The following SEC14L1 variants were observed in gnomAD, a reference collection of about 807,000 sequenced individuals.
The protein encoded by SEC14L1 is SEC14 like lipid binding 1.
A neutral mutation model predicts 85.3 loss-of-function variants in SEC14L1; 48 were observed. The ratio of observed to expected loss-of-function variants is 0.56; its 90% CI spans 0.45 to 0.72. The LOEUF is 0.72. Among genes scored for constraint, SEC14L1 ranks in the 30% least tolerant of loss-of-function variants. The pLI is 0.00. For synonymous variants in SEC14L1, 391 were observed against 355.5 expected, an observed-to-expected ratio of 1.10 and a Z score of -1.12; for missense variants, 682 against 921.4, an observed-to-expected ratio of 0.74 and a Z score of 3.36.
At chr17:77,165,630 G>T (rs1296248881) in intron 3 of SEC14L1, among the ~76,000 whole-genome samples, 2 of 152,172 alleles carry the variant, frequency 1.3e-5, no homozygotes, top group African/African-American at 4.8e-5. Flanking sequence ...ATGATAAGGG[G>T]AGTGTTTTAT....
At chr17:77,137,909 TAG>T (rs1029498780), upstream of SEC14L1, among the ~76,000 whole-genome samples, 12 of 152,162 alleles carry the variant, frequency 7.9e-5, no homozygotes, top group Non-Finnish European at 1.2e-4. Flanking sequence ...AGGATTGCAA[TAG>T]AGTCATTCAC....
At chr17:77,191,522 G>C (rs927816364) in intron 5 of SEC14L1, among the ~76,000 whole-genome samples, 1 of 152,126 alleles carries the variant, frequency 6.6e-6, no homozygotes, top group Non-Finnish European at 1.5e-5. Flanking sequence ...AGGCAGCCAA[G>C]TGATGCCTTG....
At chr17:77,119,366 T>C (rs1299730306) in intron 3 of SEC14L1, among the ~76,000 whole-genome samples, 1 of 151,622 alleles carries the variant, frequency 6.6e-6, no homozygotes, top group Non-Finnish European at 1.5e-5. Flanking sequence ...CCTTAGGGAT[T>C]ACGGGCGAAT....
intron 3 of SEC14L1, among the ~76,000 whole-genome samples, chr17:77,185,681 A>G (rs934130738): frequency 1.3e-5 from 2 of 152,180 alleles, no homozygotes; most frequent in Non-Finnish European, 2.9e-5. Context: ...TGGAATGTAC[A>G]AAGCCAGTTT....
At chr17:77,179,337 A>G (rs901327880) in intron 3 of SEC14L1, among the ~76,000 whole-genome samples, 4 of 152,168 alleles carry the variant, frequency 2.6e-5, no homozygotes, top group Non-Finnish European at 5.9e-5. Context: ...TGGAAGTGCA[A>G]ATGTTTTGGT....
At chr17:77,089,193 GAAAACA>G in exon 2 of SEC14L1, 1 of 335,254 alleles carries the variant, frequency 3.0e-6, no homozygotes. Flanking sequence ...ACGATTGGCT[GAAAACA>G]TGCAGCAACC....
intron 3 of SEC14L1, among the ~76,000 whole-genome samples, chr17:77,097,372 T>G (rs1056807873): frequency 1.3e-5 from 2 of 151,912 alleles, no homozygotes; most frequent in Non-Finnish European, 2.9e-5. Context: ...AAGACCATCC[T>G]GGCCAACATG....
chr17:77,112,651 C>T (rs537637362), intron 3 of SEC14L1, among the ~76,000 whole-genome samples: 2 of 152,146 alleles, frequency 1.3e-5, no homozygotes, highest in Non-Finnish European at 1.5e-5. Context: ...TTTGGGAGGC[C>T]GAGGTGGGTG....
intron 3 of SEC14L1, chr17:77,185,291 C>T (rs562957305): frequency 4.3e-5 from 42 of 985,428 alleles, no homozygotes; most frequent in Middle Eastern, 1.0e-3. Context: ...CTGCCCCTGA[C>T]GCTGACAGAG....
intron 3 of SEC14L1, among the ~76,000 whole-genome samples, chr17:77,104,916 G>T (rs1971874146): frequency 6.6e-6 from 1 of 151,878 alleles, no homozygotes; most frequent in Non-Finnish European, 1.5e-5. Flanking sequence ...GCACAGCTTG[G>T]TTTTATACAT....
chr17:77,169,007 CTTTTTTTTTTTT>C (rs71160208), intron 3 of SEC14L1, among the ~76,000 whole-genome samples: 1,199 of 77,912 alleles, frequency 0.015, 28 homozygotes, highest in African/African-American at 0.054. Context: ...TGAGGAGCAT[CTTTTTTTTTTTT>C]TTTTTTTTTT....
intron 3 of SEC14L1, among the ~76,000 whole-genome samples, chr17:77,159,966 T>TG (rs1973990965): frequency 6.6e-6 from 1 of 152,204 alleles, no homozygotes; most frequent in Admixed American, 6.5e-5. Context: ...TGTTAAGTGT[T>TG]CAAGTCATAG....
chr17:77,096,169 T>C (rs1971638480), intron 3 of SEC14L1, among the ~76,000 whole-genome samples: 1 of 151,426 alleles, frequency 6.6e-6, no homozygotes, highest in Admixed American at 6.6e-5. Flanking sequence ...AGTGTTGGAA[T>C]CACAGGCATG....
intron 3 of SEC14L1, among the ~76,000 whole-genome samples, chr17:77,173,955 C>T (rs1309853728): frequency 1.3e-5 from 2 of 151,620 alleles, no homozygotes; most frequent in Non-Finnish European, 2.9e-5. Flanking sequence ...GGCAGGAGTG[C>T]AATGGCACGA....
At chr17:77,104,706 G>A (rs1344512563) in intron 3 of SEC14L1, among the ~76,000 whole-genome samples, 2 of 149,726 alleles carry the variant, frequency 1.3e-5, no homozygotes, top group South Asian at 2.1e-4. Context: ...CAGGAGAATC[G>A]CTTGAACCCA....
chr17:77,193,773 G>A (rs762623438), intron 6 of SEC14L1, among the ~76,000 whole-genome samples: 29 of 152,218 alleles, frequency 1.9e-4, no homozygotes, highest in Non-Finnish European at 4.1e-4. Context: ...GGCACTGTCT[G>A]CCTGGAGTTG....
At position 77,090,759 on chromosome 17, in the gene SEC14L1, G is replaced by A. The variant is rs74875471; in HGVS notation, c.-240+1488G>A. On this transcript the variant is annotated intron_variant, in intron 2 of 19. Transcript: ENST00000392476. ...AATCACAGCACTTTTGGAGGCTGAG[G>A]CTGGAAGATTGCTTGAGCCAAGGAG... 8.9e-4 allele frequency among the ~76,000 whole-genome samples: 136 copies of A among 152,236 alleles called. 2 individuals carry two copies. The highest frequency in any genetic ancestry group is 3.2e-3 in the African/African-American group (133 of 41,544).
At chr17:77,103,211 C>G (rs992924520) in intron 3 of SEC14L1, among the ~76,000 whole-genome samples, 1 of 151,954 alleles carries the variant, frequency 6.6e-6, no homozygotes, top group Non-Finnish European at 1.5e-5. Flanking sequence ...CTCCCAGGTT[C>G]AAGCAATTCT....
intron 3 of SEC14L1, among the ~76,000 whole-genome samples, chr17:77,178,109 A>G (rs1231487028): frequency 8.5e-6 from 1 of 118,338 alleles, no homozygotes; most frequent in Non-Finnish European, 1.6e-5. Context: ...ACTTGTTTCT[A>G]GGACCCAAAG....
Sources: allele counts gnomAD v4.1 joint callset (sites outside exome capture counted in the v4.1 genomes callset), GRCh38; gene constraint gnomAD v4.1.1; transcripts MANE v1.5; gene names NCBI Gene and HGNC (gene_info 2026-07-23, HGNC 2026-07-21).